The following FRAS1 variants were observed in gnomAD, a reference collection of about 807,000 sequenced individuals.
FRAS1 encodes the protein extracellular matrix organizing protein FRAS1.
Under a neutral mutation model 435.2 loss-of-function variants are expected in FRAS1, and 290 were observed. That is an observed-to-expected ratio of 0.67 (90% CI 0.61 to 0.73). FRAS1 has a LOEUF of 0.73. Ranked by LOEUF, FRAS1 falls within the 30% of genes least tolerant of loss-of-function variation. The pLI is 0.00. For missense variants in FRAS1, 4,860 were observed against 5,001.5 expected (o/e 0.97, Z 0.85); for synonymous variants, 1,800 against 1,851.0 (o/e 0.97, Z 0.71).
At chr4:78,510,471 G>A (rs1027449) in intron 63 of FRAS1, among the ~76,000 whole-genome samples, 49,438 of 152,014 alleles carry the variant, frequency 0.33, 8,696 homozygotes, top group South Asian at 0.52. Flanking sequence ...ATTTTCTTTA[G>A]TTTTTAATGG....
In FRAS1 at chr4:78,421,888, T is replaced by C. The variant is rs761135988; in HGVS notation, c.4566T>C (p.Pro1522=). The C allele has an allele frequency of 4.3e-6, 7 of 1,613,834 alleles. No homozygotes were observed. Among genetic ancestry groups the C allele is most frequent in the South Asian group, 2.2e-5 (2 of 91,066 alleles). ...NQGIIEHRDH[P]HSPIRYFTQE... is the part of the protein sequence containing the mutation. ...GTATCATCGAGCACCGGGACCACCC[T>C]CACTCTCCTATCCGGTATTTCACGC... The change falls in exon 34 of 74, where the codon CCT becomes CCC. Residue 1522 remains proline (P), a synonymous_variant. Transcript: ENST00000512123.
intron 2 of FRAS1, 39 bp downstream of exon 2, chr4:78,066,055 A>G: frequency 6.9e-7 from 1 of 1,453,998 alleles, no homozygotes; most frequent in Non-Finnish European, 9.6e-7. Flanking sequence ...TGTCATTTGA[A>G]TGTAAAATGC....
chr4:78,430,988 C>T (rs1484729676), intron 37 of FRAS1, among the ~76,000 whole-genome samples: 1 of 152,104 alleles, frequency 6.6e-6, no homozygotes, highest in African/African-American at 2.4e-5. Context: ...TACAGAAAAA[C>T]ACAAAGAACA....
At chr4:78,225,746 G>A (rs1043016063) in intron 2 of FRAS1, among the ~76,000 whole-genome samples, 3 of 152,062 alleles carry the variant, frequency 2.0e-5, no homozygotes, top group African/African-American at 7.2e-5. Context: ...TTTGAATGAG[G>A]CATAAATATA....
chr4:78,521,512 T>G lies in FRAS1; in HGVS notation c.10541-11T>G. 1 of 1,604,434 alleles carries G rather than the reference T, an allele frequency of 6.2e-7. No individual in the cohort carries two copies. Among genetic ancestry groups the G allele is most frequent in the Non-Finnish European group, 8.5e-7 (1 of 1,173,726 alleles). ...CATGCCCTAGCATTTTCTCTCTGCT[T>G]TCCTGCCCAGGAATCCAGACAGACA... On this transcript the variant is annotated splice_polypyrimidine_tract_variant and intron_variant, in intron 67 of 73. Transcript: ENST00000512123.
intron 28 of FRAS1, among the ~76,000 whole-genome samples, chr4:78,385,104 G>A (rs1405862702): frequency 1.3e-5 from 2 of 152,070 alleles, no homozygotes; most frequent in African/African-American, 4.8e-5. Context: ...AAAGCTCAGT[G>A]TGATGGCCCT....
At chr4:78,189,689 A>T (rs1409640659) in intron 2 of FRAS1, among the ~76,000 whole-genome samples, 9 of 152,180 alleles carry the variant, frequency 5.9e-5, no homozygotes, top group Non-Finnish European at 1.2e-4. Context: ...TCTTCCCTCT[A>T]GCCCTGACCT....
intron 9 of FRAS1, among the ~76,000 whole-genome samples, chr4:78,272,936 T>C (rs1699851331): frequency 6.6e-6 from 1 of 152,238 alleles, no homozygotes; most frequent in African/African-American, 2.4e-5. Context: ...TGATTCTTCC[T>C]ATCCATGAGC....
At chr4:78,422,029 C>T in intron 34 of FRAS1, 29 bp downstream of exon 34, 3 of 1,587,698 alleles carry the variant, frequency 1.9e-6, no homozygotes, top group Non-Finnish European at 2.6e-6. Flanking sequence ...CTTTGAGGCA[C>T]CCAACTGCTC....
At chr4:78,143,430 ACAAT>A (rs534656097) in intron 2 of FRAS1, among the ~76,000 whole-genome samples, 70 of 152,304 alleles carry the variant, frequency 4.6e-4, no homozygotes, top group African/African-American at 1.6e-3. Context: ...AGATAAGTAG[ACAAT>A]CAGAGGATAT....
intron 2 of FRAS1, among the ~76,000 whole-genome samples, chr4:78,200,870 A>AATATATATATATAT (rs148259948): frequency 5.7e-5 from 8 of 139,710 alleles, no homozygotes; most frequent in African/African-American, 1.4e-4. Context: ...GCATGCCTTG[A>AATATATATATATAT]ATATATATAT....
intron 50 of FRAS1, among the ~76,000 whole-genome samples, chr4:78,468,485 A>ACATCATCATCATCATCAT (rs11267487): frequency 0.094 from 14,098 of 150,096 alleles, 846 homozygotes; most frequent in Non-Finnish European, 0.14. Context: ...GAAGCTGTAA[A>ACATCATCATCATCATCAT]CATCATCATC....
chr4:78,539,488 AGCT>A, intron 73 of FRAS1, 48 bp downstream of exon 73: 1 of 1,421,428 alleles, frequency 7.0e-7, no homozygotes, highest in Admixed American at 2.6e-5. Flanking sequence ...TCTACTTTAA[AGCT>A]TGAAAAAAAA....
chr4:78,514,884 C>G (rs936871253), intron 65 of FRAS1, among the ~76,000 whole-genome samples: 2 of 151,790 alleles, frequency 1.3e-5, no homozygotes, highest in African/African-American at 4.8e-5. Flanking sequence ...CTGGGGAACA[C>G]AGTGAAACCC....
At chr4:78,394,850 T>C (rs1479064059) in intron 29 of FRAS1, among the ~76,000 whole-genome samples, 1 of 152,086 alleles carries the variant, frequency 6.6e-6, no homozygotes, top group Admixed American at 6.5e-5. Context: ...GGGATATCTT[T>C]GCATTTATTT....
chr4:78,345,409 G>A (rs1454890), intron 20 of FRAS1, among the ~76,000 whole-genome samples: 15,680 of 152,048 alleles, frequency 0.1, 915 homozygotes, highest in African/African-American at 0.15. Context: ...ATCCTCTTCT[G>A]ATGCCTCATA....
chr4:78,472,156 A>G lies in FRAS1; in HGVS notation c.7372-24A>G, dbSNP rs78365404. 3.7e-3 allele frequency: 5,989 copies of G among 1,612,464 alleles called. 123 individuals are homozygous for G. In the East Asian group the frequency reaches 0.039, roughly 10 times the overall value. ...CTGCTTTATTCCCACCTCAGGAATT[A>G]AATTAAATGGGTTTCTATTCTAGGC... On this transcript the variant is annotated intron_variant, in intron 51 of 73. Coordinates refer to ENST00000512123, the MANE Select transcript of FRAS1 (RefSeq NM_025074.7).
chr4:78,460,985 G>C (rs1258070761), intron 47 of FRAS1, among the ~76,000 whole-genome samples: 1 of 152,068 alleles, frequency 6.6e-6, no homozygotes, highest in Non-Finnish European at 1.5e-5. Flanking sequence ...GATTATTCTA[G>C]GTGCACATCA....
intron 2 of FRAS1, among the ~76,000 whole-genome samples, chr4:78,086,889 T>C (rs531718444): frequency 1.1e-4 from 17 of 152,036 alleles, no homozygotes; most frequent in African/African-American, 4.1e-4. Flanking sequence ...TTCCAATCAA[T>C]AGAAAAAGAG....
Sources: allele counts gnomAD v4.1 joint callset (sites outside exome capture counted in the v4.1 genomes callset), GRCh38; gene constraint gnomAD v4.1.1; transcripts MANE v1.5; gene names NCBI Gene and HGNC (gene_info 2026-07-23, HGNC 2026-07-21).